The following ADGRB3 variants were observed in gnomAD, a reference collection of about 807,000 sequenced individuals.
ADGRB3 encodes the protein brain-specific angiogenesis inhibitor 3.
ADGRB3 carries 37 observed loss-of-function variants against 193.4 expected under a neutral mutation model. The ratio of observed to expected loss-of-function variants is 0.19; its 90% CI spans 0.15 to 0.25. The LOEUF (loss-of-function observed/expected upper bound fraction) is 0.25, where lower values mean the gene tolerates loss of function less well. ADGRB3 is among the 10% of genes least tolerant of loss of function. ADGRB3 has a pLI of 1.00. For synonymous variants in ADGRB3, 690 were observed against 644.2 expected (o/e 1.07, Z -1.08); for missense variants, 1,637 against 1,852.9 (o/e 0.88, Z 2.14).
intron 20 of ADGRB3, among the ~76,000 whole-genome samples, chr6:69,258,982 C>CTGT (rs1766843033): frequency 6.6e-6 from 1 of 152,202 alleles, no homozygotes; most frequent in Non-Finnish European, 1.5e-5. Context: ...AGTACTTCTC[C>CTGT]TGTGTTGGTC....
intron 15 of ADGRB3, among the ~76,000 whole-genome samples, chr6:69,052,504 GT>G (rs1271414108): frequency 1.3e-5 from 2 of 152,182 alleles, no homozygotes; most frequent in African/African-American, 4.8e-5. Context: ...AATAAGAGTA[GT>G]TTTGCTGTTA....
intron 16 of ADGRB3, among the ~76,000 whole-genome samples, chr6:69,069,008 T>C (rs1352487930): frequency 6.6e-6 from 1 of 152,184 alleles, no homozygotes; most frequent in Non-Finnish European, 1.5e-5. Context: ...CCAAATTATC[T>C]ACATCTCCAG....
intron 20 of ADGRB3, among the ~76,000 whole-genome samples, chr6:69,316,055 TCATAA>T (rs1768303408): frequency 6.6e-6 from 1 of 151,368 alleles, no homozygotes; most frequent in African/African-American, 2.4e-5. Context: ...AATCTTTCTG[TCATAA>T]CAAACATGTT....
chr6:69,007,873 A>G (rs1351465082), intron 11 of ADGRB3, among the ~76,000 whole-genome samples: 5 of 152,140 alleles, frequency 3.3e-5, no homozygotes, highest in African/African-American at 4.8e-5. Flanking sequence ...TGGAGGCTGG[A>G]AAGTCCAACA....
At chr6:69,038,937 T>C (rs887174786) in intron 13 of ADGRB3, among the ~76,000 whole-genome samples, 1 of 152,122 alleles carries the variant, frequency 6.6e-6, no homozygotes, top group Admixed American at 6.6e-5. Context: ...AAATAAACAA[T>C]TTATAAGTTT....
At chr6:68,936,733 C>T (rs965948900) in intron 5 of ADGRB3, 53 bp downstream of exon 5, 30 of 1,554,820 alleles carry the variant, frequency 1.9e-5, no homozygotes, top group African/African-American at 1.4e-4. Context: ...TGTCATGCTA[C>T]GCATTTGGAA....
intron 20 of ADGRB3, among the ~76,000 whole-genome samples, chr6:69,301,362 T>C (rs112045731): frequency 7.9e-4 from 120 of 152,020 alleles, no homozygotes; most frequent in Non-Finnish European, 1.3e-3. Flanking sequence ...CCTACTGTGC[T>C]ACTGTAATAA....
At chr6:69,354,671 GC>G (rs1350899821) in intron 27 of ADGRB3, among the ~76,000 whole-genome samples, 1 of 152,214 alleles carries the variant, frequency 6.6e-6, no homozygotes, top group Non-Finnish European at 1.5e-5. Context: ...TAGTCTTAAA[GC>G]AGTGGTTCTT....
At chr6:69,143,840 G>A (rs968684274) in intron 17 of ADGRB3, among the ~76,000 whole-genome samples, 2 of 151,956 alleles carry the variant, frequency 1.3e-5, no homozygotes, top group African/African-American at 4.8e-5. Context: ...TATTCTTTCT[G>A]CTCAGGACAG....
At position 68,768,607 on chromosome 6, in the gene ADGRB3, A is replaced by G. The variant is rs547740019; in HGVS notation, c.757+129175A>G. 1.3e-3 allele frequency among the ~76,000 whole-genome samples: 205 copies of G among 152,280 alleles called. 2 individuals carry two copies. The highest frequency in any genetic ancestry group is 4.5e-3 in the African/African-American group (188 of 41,562). On this transcript the variant is annotated intron_variant, in intron 3 of 31. Transcript: ENST00000370598. ...AAAACCCTAGAAGAAAACCTAGGCA[A>G]TATCATTCAGGACATAGGCATGGGC...
chr6:69,343,141 ATT>A (rs66623862), intron 26 of ADGRB3, among the ~76,000 whole-genome samples: 3 of 147,090 alleles, frequency 2.0e-5, no homozygotes, highest in African/African-American at 5.1e-5. Flanking sequence ...AATTTATTTT[ATT>A]TTTTTTATTT....
chr6:68,841,358 A>G (rs965851174), intron 3 of ADGRB3, among the ~76,000 whole-genome samples: 1 of 152,172 alleles, frequency 6.6e-6, no homozygotes, highest in Non-Finnish European at 1.5e-5. Flanking sequence ...AAGCCACAAA[A>G]CAAGTCTGGA....
chr6:69,008,980 T>C (rs1456839608), intron 11 of ADGRB3, among the ~76,000 whole-genome samples: 1 of 151,878 alleles, frequency 6.6e-6, no homozygotes, highest in African/African-American at 2.4e-5. Context: ...GGGTGTTGAA[T>C]CAAAAAAGAG....
Position 68,661,550 on chromosome 6 carries a change from T to TGTGTATAC in ADGRB3, c.757+22118_757+22119insGTGTATAC, listed in dbSNP as rs1239264924. ...ATATATGTGTATACATATATATATA[T>TGTGTATAC]ATATATATATATATATATATAGTTA... On this transcript the variant is annotated intron_variant, in intron 3 of 31. Transcript: ENST00000370598. 7.6e-4 allele frequency among the ~76,000 whole-genome samples: 27 copies of TGTGTATAC among 35,466 alleles called. 1 individual carries two copies. The highest frequency in any genetic ancestry group is 1.1e-3 in the African/African-American group (13 of 12,344). The allele number at this position is 35,466 out of a possible 152,430, so 23.3% of individuals were successfully genotyped here. A position where few individuals can be genotyped will look rare whatever the true frequency, so the allele number is the denominator to read the frequency against.
intron 17 of ADGRB3, among the ~76,000 whole-genome samples, chr6:69,205,929 G>T (rs767708173): frequency 1.3e-5 from 2 of 150,476 alleles, no homozygotes; most frequent in Admixed American, 6.6e-5. Context: ...GGGACTACAG[G>T]CATGGATCAC....
chr6:68,744,509 T>C (rs1258459577), intron 3 of ADGRB3, among the ~76,000 whole-genome samples: 1 of 152,154 alleles, frequency 6.6e-6, no homozygotes, highest in Admixed American at 6.5e-5. Flanking sequence ...ATTGATAGAC[T>C]GGGTAAAGAA....
intron 17 of ADGRB3, among the ~76,000 whole-genome samples, chr6:69,182,266 T>C (rs1038714013): frequency 1.1e-4 from 16 of 152,034 alleles, no homozygotes; most frequent in African/African-American, 3.1e-4. Flanking sequence ...CAGTTAGTAA[T>C]GGAAAGATAA....
intron 24 of ADGRB3, among the ~76,000 whole-genome samples, chr6:69,333,862 G>A (rs1180965647): frequency 3.3e-5 from 5 of 150,614 alleles, no homozygotes; most frequent in Non-Finnish European, 7.4e-5. Flanking sequence ...CCTGGGAGGC[G>A]GAGCTTGCAG....
At chr6:68,705,692 T>C (rs1765315030) in intron 3 of ADGRB3, among the ~76,000 whole-genome samples, 1 of 152,180 alleles carries the variant, frequency 6.6e-6, no homozygotes, top group Admixed American at 6.5e-5. Context: ...ATTCAGGGAC[T>C]AGCGCTGAAG....
Sources: allele counts gnomAD v4.1 joint callset (sites outside exome capture counted in the v4.1 genomes callset), GRCh38; gene constraint gnomAD v4.1.1; transcripts MANE v1.5; gene names NCBI Gene and HGNC (gene_info 2026-07-23, HGNC 2026-07-21).